Variants in SLIT3 observed in about 807,000 individuals in gnomAD.
SLIT3 encodes slit guidance ligand 3.
A neutral mutation model predicts 184.0 loss-of-function variants in SLIT3; 68 were observed. That is an observed-to-expected ratio of 0.37 (90% CI 0.30 to 0.45). SLIT3 has a LOEUF of 0.45. SLIT3 is among the 20% of genes least tolerant of loss of function. SLIT3 has a pLI of 1.00. For synonymous variants in SLIT3, 831 were observed against 828.6 expected, an observed-to-expected ratio of 1.00 and a Z score of -0.05; for missense variants, 1,707 against 2,026.0, an observed-to-expected ratio of 0.84 and a Z score of 3.02.
At chr5:169,292,869 G>C (rs866225486) in intron 1 of SLIT3, among the ~76,000 whole-genome samples, 1 of 152,258 alleles carries the variant, frequency 6.6e-6, no homozygotes, top group Admixed American at 6.5e-5. Context: ...CAGCAGGGAA[G>C]ACTGGGGAGA....
chr5:169,189,569 T>TATATAA, intron 4 of SLIT3, among the ~76,000 whole-genome samples: 1 of 119,138 alleles, frequency 8.4e-6, no homozygotes, highest in African/African-American at 3.0e-5. Context: ...TATATATATA[T>TATATAA]ATATATATAT....
intron 4 of SLIT3, among the ~76,000 whole-genome samples, chr5:168,957,780 G>T (rs10214097): frequency 1.1e-4 from 17 of 151,666 alleles, no homozygotes; most frequent in Non-Finnish European, 1.8e-4. Flanking sequence ...TGTTGGGGGC[G>T]GGAGGGCCAC....
At chr5:168,833,970 G>T (rs1318654045) in intron 6 of SLIT3, among the ~76,000 whole-genome samples, 1 of 152,198 alleles carries the variant, frequency 6.6e-6, no homozygotes, top group African/African-American at 2.4e-5. Context: ...TAGAAGAAGT[G>T]GTCATGGATG....
intron 4 of SLIT3, among the ~76,000 whole-genome samples, chr5:169,144,855 AAAG>A (rs1422708297): frequency 1.3e-5 from 2 of 152,134 alleles, no homozygotes; most frequent in African/African-American, 4.8e-5. Context: ...CGAATTGAGA[AAAG>A]AAGTAGCAAG....
intron 29 of SLIT3, among the ~76,000 whole-genome samples, chr5:168,688,895 T>C (rs73322435): frequency 0.048 from 7,369 of 152,316 alleles, 572 homozygotes; most frequent in African/African-American, 0.17. Flanking sequence ...AAGGCAATAA[T>C]AGCTGGCCAA....
rs1216665098 is a variant in SLIT3 at position 169,136,165 on chromosome 5, C to A, written c.413+57314G>T. 4.6e-5 allele frequency among the ~76,000 whole-genome samples: 7 copies of A among 152,256 alleles called. No individual in the cohort carries two copies. In the South Asian group the frequency reaches 1.5e-3, roughly 32 times the overall value. ...AGAAGCCAGCTTGAGGGGAGGGGGA[C>A]AATCGCCTCTCCAGATCAGGCCTCA... On this transcript the variant is annotated intron_variant, in intron 4 of 35. Coordinates refer to ENST00000519560, the MANE Select transcript of SLIT3 (RefSeq NM_003062.4).
chr5:169,011,328 T>G (rs1379372416), intron 4 of SLIT3, among the ~76,000 whole-genome samples: 1 of 152,176 alleles, frequency 6.6e-6, no homozygotes, highest in Non-Finnish European at 1.5e-5. Context: ...AAGATTTAAT[T>G]TGGAGAGGTG....
intron 4 of SLIT3, among the ~76,000 whole-genome samples, chr5:169,059,004 T>C (rs933425406): frequency 1.4e-4 from 21 of 152,118 alleles, no homozygotes; most frequent in African/African-American, 4.8e-4. Context: ...GGGACCCAAA[T>C]GCTGGAGAGT....
At chr5:168,786,058 C>T (rs1158366944) in intron 11 of SLIT3, 80 bp from the exon 12 acceptor site, 13 of 953,804 alleles carry the variant, frequency 1.4e-5, no homozygotes, top group Non-Finnish European at 1.0e-5. Flanking sequence ...GCCATCACCT[C>T]GGCCAGTTCT....
At chr5:169,008,845 C>T (rs1438898271) in intron 4 of SLIT3, among the ~76,000 whole-genome samples, 1 of 152,144 alleles carries the variant, frequency 6.6e-6, no homozygotes, top group East Asian at 1.9e-4. Context: ...ATTCACTAAG[C>T]CCTTACTATT....
At chr5:169,066,452 C>A (rs1039731491) in intron 4 of SLIT3, among the ~76,000 whole-genome samples, 4 of 152,166 alleles carry the variant, frequency 2.6e-5, no homozygotes, top group African/African-American at 7.2e-5. Flanking sequence ...GCTCAACTTA[C>A]AAGACCAAAA....
At chr5:168,677,731 G>T (rs1401187242) in intron 32 of SLIT3, among the ~76,000 whole-genome samples, 3 of 152,202 alleles carry the variant, frequency 2.0e-5, no homozygotes, top group African/African-American at 7.2e-5. Flanking sequence ...TTATAGGCGT[G>T]AGCCAGCGTG....
intron 3 of SLIT3, among the ~76,000 whole-genome samples, chr5:169,234,453 C>T (rs975071214): frequency 1.3e-5 from 2 of 152,196 alleles, no homozygotes; most frequent in Non-Finnish European, 2.9e-5. Flanking sequence ...CTGTCCCAGG[C>T]TGGAGTGCAG....
At chr5:168,991,617 G>A (rs2113387509) in intron 4 of SLIT3, among the ~76,000 whole-genome samples, 1 of 152,348 alleles carries the variant, frequency 6.6e-6, no homozygotes, top group African/African-American at 2.4e-5. Context: ...AGTGCCCTGG[G>A]GATCTATCAG....
chr5:169,138,508 A>G (rs377229751), intron 4 of SLIT3, among the ~76,000 whole-genome samples: 11 of 152,310 alleles, frequency 7.2e-5, no homozygotes, highest in East Asian at 3.9e-4. Flanking sequence ...CCCTTGCACA[A>G]GAATCCCTGG....
rs146512576 is a variant in SLIT3 at position 168,685,904 on chromosome 5, G to C, written c.3338C>G (p.Pro1113Arg). The C allele has an allele frequency of 8.1e-4, 1,309 of 1,610,792 alleles. 2 individuals carry two copies. The East Asian group carries it at 8.4e-3, about 10-fold the overall frequency. Residue 1113 changes from proline to arginine, a missense_variant, in exon 31 of 36, where the codon CCA becomes CGA. Coordinates refer to ENST00000519560, the MANE Select transcript of SLIT3 (RefSeq NM_003062.4). ...GFSGPFCEHP[P>R]PMVLLQTSPC... ...GCTGGTCTGCAGTAGGACCATGGGT[G>C]GGGGGTGTTCACAGAAGGGTCCACT...
intron 26 of SLIT3, among the ~76,000 whole-genome samples, chr5:168,705,075 C>T (rs1315233945): frequency 6.6e-6 from 1 of 152,170 alleles, no homozygotes; most frequent in Non-Finnish European, 1.5e-5. Context: ...CCAGAGGGTC[C>T]TGCTTGGTGT....
Position 168,875,932 on chromosome 5 carries a change from TCAGGAATGCAAAG to T in SLIT3, c.485+7320_485+7332del, listed in dbSNP as rs1759715276. On this transcript the variant is annotated intron_variant, in intron 5 of 35. Transcript: ENST00000519560. ...GCAATTCTGAACCTGACACTCTCAG[TCAGGAATGCAAAG>T]CAGGAAAGGCTGGGGAACTTGCTGC... is the stretch of plus-strand genomic sequence containing the variant. 2.0e-5 allele frequency among the ~76,000 whole-genome samples: 3 copies of T among 152,058 alleles called. No homozygotes were observed. The South Asian group carries it at 6.2e-4, about 32-fold the overall frequency.
chr5:169,145,301 C>T (rs1372549051), intron 4 of SLIT3, among the ~76,000 whole-genome samples: 1 of 152,144 alleles, frequency 6.6e-6, no homozygotes, highest in African/African-American at 2.4e-5. Context: ...TTTATTATTG[C>T]TCGATGCCCA....
Sources: gnomAD v4.1 joint callset for allele counts (sites outside exome capture counted in the v4.1 genomes callset) on GRCh38, gnomAD v4.1.1 for gene constraint, MANE v1.5 for transcripts, NCBI Gene and HGNC (gene_info 2026-07-23, HGNC 2026-07-21) for gene names.